NKAIN3: variants seen among roughly 807,000 people sequenced by gnomAD.
The protein encoded by NKAIN3 is sodium/potassium-transporting ATPase subunit beta-1-interacting protein 3.
In NKAIN3, 25 loss-of-function variants were observed where a neutral mutation model predicts 30.2. The observed-to-expected ratio is 0.83, with a 90% confidence interval of 0.60 to 1.16. The LOEUF (loss-of-function observed/expected upper bound fraction) is 1.16, where lower values mean the gene tolerates loss of function less well. Ranked by LOEUF, NKAIN3 falls within the 50% of genes most tolerant of loss-of-function variation. NKAIN3 has a pLI of 0.00. For missense variants in NKAIN3, 225 were observed against 254.1 expected (o/e 0.89, Z 0.78); for synonymous variants, 91 against 89.6 (o/e 1.02, Z -0.09).
intron 3 of NKAIN3, among the ~76,000 whole-genome samples, chr8:62,643,389 A>G (rs1369300045): frequency 6.6e-6 from 1 of 152,108 alleles, no homozygotes; most frequent in Admixed American, 6.6e-5. Flanking sequence ...TAAGTCTCCA[A>G]GAAAATTGGC....
intron 1 of NKAIN3, among the ~76,000 whole-genome samples, chr8:62,419,896 T>C (rs1391702962): frequency 6.6e-6 from 1 of 152,188 alleles, no homozygotes; most frequent in Non-Finnish European, 1.5e-5. Context: ...TTTTCAATCT[T>C]ATTCCTTTGA....
chr8:62,405,685 T>C (rs1218900123), intron 1 of NKAIN3, among the ~76,000 whole-genome samples: 2 of 152,204 alleles, frequency 1.3e-5, no homozygotes, highest in Non-Finnish European at 2.9e-5. Context: ...TCAGTGCCTC[T>C]TTCAGTGATG....
At chr8:62,351,570 A>G (rs1037945423) in intron 1 of NKAIN3, among the ~76,000 whole-genome samples, 3 of 150,980 alleles carry the variant, frequency 2.0e-5, no homozygotes, top group Admixed American at 6.6e-5. Flanking sequence ...ATAAGAATAC[A>G]TATGTATATT....
In NKAIN3 at chr8:62,646,150, A is replaced by AAAAAAAAAAAC. The variant is rs1458663278; in HGVS notation, c.273+56361_273+56362insAAAAACAAAAA. ...TTCCCTCATTCTGGAAAAAAAAAAA[A>AAAAAAAAAAAC]AAAAACAGATGCAGATGTTCTGCTG... On this transcript the variant is annotated intron_variant, in intron 3 of 6. Transcript: ENST00000623646. Among the ~76,000 whole-genome samples the AAAAAAAAAAAC allele has an allele frequency of 2.0e-3, 311 of 151,792 alleles. 1 individual carries two copies. The highest frequency in any genetic ancestry group is 6.8e-3 in the African/African-American group (282 of 41,356).
intron 1 of NKAIN3, among the ~76,000 whole-genome samples, chr8:62,448,106 T>C (rs1805539443): frequency 6.6e-6 from 1 of 151,954 alleles, no homozygotes; most frequent in Non-Finnish European, 1.5e-5. Flanking sequence ...ACAAATTGAT[T>C]GTTTTATATA....
At chr8:62,844,822 A>G (rs1258677399) in intron 4 of NKAIN3, among the ~76,000 whole-genome samples, 1 of 152,084 alleles carries the variant, frequency 6.6e-6, no homozygotes, top group Non-Finnish European at 1.5e-5. Context: ...CCATAAATGC[A>G]CTGCCAGGAC....
intron 5 of NKAIN3, among the ~76,000 whole-genome samples, chr8:62,939,828 A>G (rs927859856): frequency 2.0e-5 from 3 of 152,144 alleles, no homozygotes; most frequent in Non-Finnish European, 4.4e-5. Flanking sequence ...AACAGGACCT[A>G]TAAAACAATA....
chr8:62,636,125 C>G (rs185663611), intron 3 of NKAIN3, among the ~76,000 whole-genome samples: 1 of 152,230 alleles, frequency 6.6e-6, no homozygotes, highest in East Asian at 1.9e-4. Flanking sequence ...TGATTTTATT[C>G]CTTCTTACAG....
intron 1 of NKAIN3, among the ~76,000 whole-genome samples, chr8:62,377,976 A>G (rs774211349): frequency 2.0e-5 from 3 of 152,224 alleles, no homozygotes; most frequent in Non-Finnish European, 4.4e-5. Flanking sequence ...TTTGGAACTG[A>G]GTAACAGGCA....
At chr8:62,410,704 A>G (rs1390181922) in intron 1 of NKAIN3, among the ~76,000 whole-genome samples, 1 of 152,214 alleles carries the variant, frequency 6.6e-6, no homozygotes, top group African/African-American at 2.4e-5. Context: ...CCACAGAAAT[A>G]TAAAAGATCC....
chr8:62,963,215 A>G (rs1264277112), intron 6 of NKAIN3, among the ~76,000 whole-genome samples: 1 of 152,138 alleles, frequency 6.6e-6, no homozygotes, highest in East Asian at 1.9e-4. Flanking sequence ...TTAAAATTCA[A>G]TCTGTTAATA....
intron 1 of NKAIN3, among the ~76,000 whole-genome samples, chr8:62,300,789 A>C (rs368056287): frequency 6.6e-6 from 1 of 152,174 alleles, no homozygotes; most frequent in East Asian, 1.9e-4. Context: ...TGAGTGTGTG[A>C]TGGTGTTGGG....
intron 1 of NKAIN3, among the ~76,000 whole-genome samples, chr8:62,570,294 A>G (rs999519980): frequency 1.3e-5 from 2 of 152,202 alleles, no homozygotes; most frequent in Non-Finnish European, 2.9e-5. Context: ...TTATGTGTAA[A>G]TTAATGTTTA....
Position 62,977,149 on chromosome 8 carries a change from C to T in NKAIN3, c.*11742C>T, listed in dbSNP as rs560073275. Among the ~76,000 whole-genome samples the T allele has an allele frequency of 1.2e-4, 19 of 152,196 alleles. No homozygotes were observed. Among genetic ancestry groups the T allele is most frequent in the Middle Eastern group, 3.4e-3 (1 of 292 alleles). On this transcript the variant is annotated 3_prime_UTR_variant, in exon 7 of 7. Transcript: ENST00000623646. ...TTCAGTTCAACCTTGGTGAATCTGA[C>T]GATTATGTGTCTTGGGGTTGCTCTT... is the stretch of plus-strand genomic sequence containing the variant.
chr8:62,462,163 C>T (rs557869101), intron 1 of NKAIN3, among the ~76,000 whole-genome samples: 3 of 152,060 alleles, frequency 2.0e-5, no homozygotes, highest in East Asian at 1.9e-4. Flanking sequence ...TGGGCACAGG[C>T]GCAGATGGGA....
chr8:62,813,151 G>T (rs2130717325), intron 4 of NKAIN3, among the ~76,000 whole-genome samples: 1 of 151,974 alleles, frequency 6.6e-6, no homozygotes, highest in Admixed American at 6.6e-5. Context: ...AAATCAGTTG[G>T]ATGTAAATAC....
intron 1 of NKAIN3, among the ~76,000 whole-genome samples, chr8:62,529,237 T>G (rs1199268348): frequency 6.6e-6 from 1 of 152,154 alleles, no homozygotes; most frequent in Non-Finnish European, 1.5e-5. Flanking sequence ...TAACTTGACA[T>G]TTCTTTAATT....
At chr8:62,470,167 C>G (rs1806286905) in intron 1 of NKAIN3, among the ~76,000 whole-genome samples, 1 of 152,180 alleles carries the variant, frequency 6.6e-6, no homozygotes, top group South Asian at 2.1e-4. Flanking sequence ...GTGCATTATT[C>G]TCATATGACT....
At position 62,965,408 on chromosome 8, in the gene NKAIN3, G is replaced by A. The variant is rs866522364; in HGVS notation, c.*1G>A. 13 of 985,670 alleles carry A rather than the reference G, an allele frequency of 1.3e-5. No homozygotes were observed. Among genetic ancestry groups the A allele is most frequent in the Non-Finnish European group, 1.6e-5 (13 of 829,896 alleles). The allele number at this position is 985,670 out of a possible 1,614,324, so 61.1% of individuals were successfully genotyped here. Reference sequence around the variant, plus strand: ...AATGCGGCTGCTGAACTTGACTTAGGGAGCAAAGGACCATTGACTGCGCGC... The same window carrying A: ...AATGCGGCTGCTGAACTTGACTTAGAGAGCAAAGGACCATTGACTGCGCGC... On this transcript the variant is annotated 3_prime_UTR_variant, in exon 7 of 7. Transcript: ENST00000623646.
Sources: gnomAD v4.1 joint callset for allele counts (sites outside exome capture counted in the v4.1 genomes callset) on GRCh38, gnomAD v4.1.1 for gene constraint, MANE v1.5 for transcripts, NCBI Gene and HGNC (gene_info 2026-07-23, HGNC 2026-07-21) for gene names.